The following GLIS3 variants were observed in gnomAD, a reference collection of about 807,000 sequenced individuals.
GLIS3 encodes the protein GLIS family zinc finger 3.
Under a neutral mutation model 78.6 loss-of-function variants are expected in GLIS3, and 53 were observed. The ratio of observed to expected loss-of-function variants is 0.67; its 90% CI spans 0.54 to 0.85. GLIS3 has a LOEUF of 0.85. GLIS3 is among the 40% of genes least tolerant of loss of function. The pLI, the probability that GLIS3 is intolerant of heterozygous loss-of-function variation, is 0.00. For missense variants in GLIS3, 1,703 were observed against 1,231.1 expected (o/e 1.38, Z -5.74); for synonymous variants, 684 against 509.9 (o/e 1.34, Z -4.60).
rs59923144 is a variant in GLIS3, at chr9:3,860,272, C to CAA, written c.2298-4090_2298-4089dup. ...CCTGGGTGACAGAGCAAGACTCTGT[C>CAA]AAAAAAAAAAAAAAAAAAAAAAAAA... On this transcript the variant is annotated intron_variant, in intron 8 of 10. Coordinates refer to ENST00000381971, the MANE Select transcript of GLIS3 (RefSeq NM_001042413.2). Among the ~76,000 whole-genome samples the CAA allele has an allele frequency of 5.0e-3, 267 of 53,600 alleles. 19 individuals carry two copies. Among genetic ancestry groups the CAA allele is most frequent in the African/African-American group, 0.017 (207 of 11,942 alleles). The allele number at this position is 53,600 out of a possible 152,430, so 35.2% of individuals were successfully genotyped here. A position where few individuals can be genotyped will look rare whatever the true frequency, so the allele number is the denominator to read the frequency against.
At chr9:4,298,644 A>C (rs1040114599) in intron 1 of GLIS3, 1 of 218,654 alleles carries the variant, frequency 4.6e-6, no homozygotes, top group Non-Finnish European at 9.4e-6. Context: ...AGACTGAGAC[A>C]TTTTCCAAAC....
chr9:4,097,157 C>T (rs1401952132), intron 4 of GLIS3, among the ~76,000 whole-genome samples: 1 of 152,182 alleles, frequency 6.6e-6, no homozygotes, highest in Non-Finnish European at 1.5e-5. Context: ...TGGCGAGCTG[C>T]ACATCTCCAA....
intron 8 of GLIS3, among the ~76,000 whole-genome samples, chr9:3,865,843 G>A (rs909725102): frequency 6.6e-6 from 1 of 152,074 alleles, no homozygotes; most frequent in Non-Finnish European, 1.5e-5. Flanking sequence ...CCTAATAGTT[G>A]GTTTTTGATA....
At chr9:4,054,324 T>C in intron 4 of GLIS3, 3 of 985,222 alleles carry the variant, frequency 3.0e-6, no homozygotes, top group Non-Finnish European at 3.6e-6. Context: ...TTTCCACAAC[T>C]CCACAAGACC....
chr9:4,255,877 G>C (rs1263096825), intron 2 of GLIS3, among the ~76,000 whole-genome samples: 2 of 152,098 alleles, frequency 1.3e-5, no homozygotes, highest in East Asian at 1.9e-4. Flanking sequence ...ATCATGATGT[G>C]TCAATGCAGG....
intron 6 of GLIS3, among the ~76,000 whole-genome samples, chr9:3,931,410 GC>G (rs1825605336): frequency 6.6e-6 from 1 of 152,126 alleles, no homozygotes; most frequent in African/African-American, 2.4e-5. Context: ...TGAAACCCTT[GC>G]CATGGGGTTC....
At chr9:3,975,464 G>A (rs1001996740) in intron 4 of GLIS3, among the ~76,000 whole-genome samples, 18 of 152,100 alleles carry the variant, frequency 1.2e-4, no homozygotes, top group Non-Finnish European at 4.4e-5. Flanking sequence ...AGTAACCTTG[G>A]GCGATTTGAC....
chr9:4,484,089 T>C, the GLIS3 span, among the ~76,000 whole-genome samples: 3 of 152,210 alleles, frequency 2.0e-5, no homozygotes, highest in African/African-American at 7.2e-5. Context: ...ATAGTATAAA[T>C]ATAGTTTAAA....
the GLIS3 span, among the ~76,000 whole-genome samples, chr9:4,465,697 T>C: frequency 5.9e-5 from 9 of 152,236 alleles, no homozygotes; most frequent in African/African-American, 1.9e-4. Context: ...AAACATCTTA[T>C]GTATTCCACA....
chr9:4,162,600 C>T (rs1180506711), intron 2 of GLIS3, among the ~76,000 whole-genome samples: 1 of 152,150 alleles, frequency 6.6e-6, no homozygotes, highest in Admixed American at 6.5e-5. Flanking sequence ...TGGCTCACGC[C>T]TGTAATCCCA....
intron 4 of GLIS3, among the ~76,000 whole-genome samples, chr9:3,991,539 T>C (rs1461146537): frequency 6.6e-6 from 1 of 152,166 alleles, no homozygotes; most frequent in African/African-American, 2.4e-5. Context: ...TCCTATATCT[T>C]AATTTGCCAT....
chr9:4,284,837 G>C (rs957727256), intron 2 of GLIS3, among the ~76,000 whole-genome samples: 2 of 152,084 alleles, frequency 1.3e-5, no homozygotes, highest in Non-Finnish European at 2.9e-5. Context: ...AGGATCACTT[G>C]AACCCAGGAG....
the GLIS3 span, among the ~76,000 whole-genome samples, chr9:4,434,497 G>C: frequency 2.0e-5 from 3 of 152,142 alleles, no homozygotes; most frequent in Admixed American, 2.0e-4. Context: ...TGAGAAAATA[G>C]CATCTCAGGC....
chr9:4,360,993 G>C, the GLIS3 span, among the ~76,000 whole-genome samples: 1 of 152,206 alleles, frequency 6.6e-6, no homozygotes, highest in Non-Finnish European at 1.5e-5. Flanking sequence ...CAATGCCTTT[G>C]TCCTAGCCTT....
chr9:4,134,551 G>A (rs1337372086), intron 2 of GLIS3, among the ~76,000 whole-genome samples: 1 of 152,168 alleles, frequency 6.6e-6, no homozygotes, highest in Non-Finnish European at 1.5e-5. Flanking sequence ...CTACATGGTT[G>A]CTTCGAGGAT....
intron 7 of GLIS3, among the ~76,000 whole-genome samples, chr9:3,887,682 AC>A (rs1029861391): frequency 6.6e-6 from 1 of 152,192 alleles, no homozygotes; most frequent in African/African-American, 2.4e-5. Context: ...TCTCTGGAGT[AC>A]CCTGCAATAC....
At chr9:4,243,626 G>C (rs1445477360) in intron 2 of GLIS3, among the ~76,000 whole-genome samples, 1 of 152,140 alleles carries the variant, frequency 6.6e-6, no homozygotes, top group East Asian at 1.9e-4. Context: ...AGATTTAATA[G>C]CCATTTTCAA....
chr9:3,957,547 G>T (rs972821855), intron 4 of GLIS3, among the ~76,000 whole-genome samples: 5 of 152,094 alleles, frequency 3.3e-5, no homozygotes, highest in Admixed American at 6.5e-5. Flanking sequence ...ATACCACCAG[G>T]GCAGTACTGA....
intron 7 of GLIS3, among the ~76,000 whole-genome samples, chr9:3,883,857 T>C (rs1417501187): frequency 6.6e-6 from 1 of 152,206 alleles, no homozygotes; most frequent in Non-Finnish European, 1.5e-5. Context: ...GATGGTAGTC[T>C]CCCTGAGGAA....
Sources: gnomAD v4.1 joint callset for allele counts (sites outside exome capture counted in the v4.1 genomes callset) on GRCh38, gnomAD v4.1.1 for gene constraint, MANE v1.5 for transcripts, NCBI Gene and HGNC (gene_info 2026-07-23, HGNC 2026-07-21) for gene names.